Variants in KCNIP4 observed in about 807,000 individuals in gnomAD.
The protein encoded by KCNIP4 is Kv channel-interacting protein 4.
A neutral mutation model predicts 34.0 loss-of-function variants in KCNIP4; 12 were observed. The observed-to-expected ratio is 0.35, with a 90% CI of 0.23 to 0.57. The LOEUF (loss-of-function observed/expected upper bound fraction) is 0.57. Ranked by LOEUF, KCNIP4 falls within the 20% of genes least tolerant of loss-of-function variation. KCNIP4 has a pLI of 0.83. For synonymous variants in KCNIP4, 124 were observed against 102.2 expected, an observed-to-expected ratio of 1.21 and a Z score of -1.29; for missense variants, 238 against 311.7, an observed-to-expected ratio of 0.76 and a Z score of 1.78.
chr4:21,529,210 C>T (rs144103831), intron 1 of KCNIP4, among the ~76,000 whole-genome samples: 125 of 152,222 alleles, frequency 8.2e-4, no homozygotes, highest in African/African-American at 2.9e-3. Flanking sequence ...CTGACCCCTA[C>T]TATAGACAAA....
chr4:21,598,547 AT>A (rs991460230), intron 1 of KCNIP4, among the ~76,000 whole-genome samples: 7 of 152,064 alleles, frequency 4.6e-5, no homozygotes, highest in African/African-American at 1.4e-4. Context: ...CCTGGGGTTT[AT>A]CAACTCCTAT....
intron 1 of KCNIP4, chr4:21,582,202 T>C (rs1284240564): frequency 6.6e-6 from 1 of 151,976 alleles, no homozygotes. Context: ...GTAAAATATA[T>C]GTTCTTACTT....
chr4:21,475,820 C>G (rs1237900594), intron 1 of KCNIP4, among the ~76,000 whole-genome samples: 1 of 152,010 alleles, frequency 6.6e-6, no homozygotes, highest in Non-Finnish European at 1.5e-5. Flanking sequence ...TATTTTTCAC[C>G]CATTCTGGAT....
chr4:20,822,717 A>AT (rs1052790101), intron 3 of KCNIP4, among the ~76,000 whole-genome samples: 2 of 152,132 alleles, frequency 1.3e-5, no homozygotes, highest in Admixed American at 1.3e-4. Flanking sequence ...AAAAACATGA[A>AT]TTTTCACGGG....
At chr4:20,739,011 G>A (rs1442941732) in intron 5 of KCNIP4, among the ~76,000 whole-genome samples, 1 of 152,154 alleles carries the variant, frequency 6.6e-6, no homozygotes, top group Non-Finnish European at 1.5e-5. Flanking sequence ...GTCCGAGATC[G>A]AACTGCAAGG....
chr4:21,416,392 T>C (rs749964345), intron 1 of KCNIP4, among the ~76,000 whole-genome samples: 1 of 152,204 alleles, frequency 6.6e-6, no homozygotes, highest in Non-Finnish European at 1.5e-5. Flanking sequence ...ACCACCTTTT[T>C]ATTTTCTCCT....
At chr4:21,054,309 A>C (rs901968832) in intron 1 of KCNIP4, among the ~76,000 whole-genome samples, 5 of 152,240 alleles carry the variant, frequency 3.3e-5, no homozygotes, top group African/African-American at 1.2e-4. Context: ...ACTTGAGGTC[A>C]GGAGTTCGAG....
At chr4:20,971,507 A>G (rs1215824238) in intron 1 of KCNIP4, among the ~76,000 whole-genome samples, 5 of 152,200 alleles carry the variant, frequency 3.3e-5, no homozygotes, top group African/African-American at 9.7e-5. Context: ...TGTGAATATA[A>G]ATGTTTACAC....
At chr4:21,654,922 T>C (rs1355450086) in intron 1 of KCNIP4, among the ~76,000 whole-genome samples, 1 of 150,456 alleles carries the variant, frequency 6.6e-6, no homozygotes, top group African/African-American at 2.5e-5. Flanking sequence ...AGACTCTGTC[T>C]CAAAAAAAAA....
At chr4:20,950,854 T>C (rs371242357) in intron 1 of KCNIP4, among the ~76,000 whole-genome samples, 9 of 152,248 alleles carry the variant, frequency 5.9e-5, no homozygotes, top group Admixed American at 3.9e-4. Flanking sequence ...CACTCTCTGC[T>C]GTTTTTGCTT....
chr4:20,793,784 G>A (rs572965463), intron 3 of KCNIP4, among the ~76,000 whole-genome samples: 16 of 152,042 alleles, frequency 1.1e-4, no homozygotes, highest in African/African-American at 2.9e-4. Flanking sequence ...TCCCATCTGA[G>A]GGTGATGGGA....
At chr4:21,645,267 T>A (rs927692622) in intron 1 of KCNIP4, among the ~76,000 whole-genome samples, 1 of 152,126 alleles carries the variant, frequency 6.6e-6, no homozygotes, top group Non-Finnish European at 1.5e-5. Flanking sequence ...ACAGACAGGT[T>A]AAATAAATTG....
At chr4:21,700,913 T>A (rs1180482419) in intron 1 of KCNIP4, among the ~76,000 whole-genome samples, 2 of 152,088 alleles carry the variant, frequency 1.3e-5, no homozygotes, top group Admixed American at 1.3e-4. Flanking sequence ...GGGATATATA[T>A]AAAAAATTAA....
At chr4:21,786,569 A>G (rs1242037539) in intron 1 of KCNIP4, among the ~76,000 whole-genome samples, 3 of 86,724 alleles carry the variant, frequency 3.5e-5, no homozygotes, top group Non-Finnish European at 6.3e-5. Flanking sequence ...ATAGAGAGTC[A>G]CTCTTTTTTT....
intron 1 of KCNIP4, among the ~76,000 whole-genome samples, chr4:21,078,437 G>A (rs951800805): frequency 1.8e-4 from 27 of 152,080 alleles, no homozygotes; most frequent in African/African-American, 5.5e-4. Context: ...TGGGTTGCAG[G>A]CAGCTGCCTT....
At chr4:21,147,804 T>C (rs1054167912) in intron 1 of KCNIP4, among the ~76,000 whole-genome samples, 1 of 151,540 alleles carries the variant, frequency 6.6e-6, no homozygotes, top group Non-Finnish European at 1.5e-5. Flanking sequence ...CCGAGCATGG[T>C]GGCAGATGCC....
chr4:21,838,857 A>G (rs1216112338), intron 1 of KCNIP4, among the ~76,000 whole-genome samples: 1 of 152,212 alleles, frequency 6.6e-6, no homozygotes, highest in Non-Finnish European at 1.5e-5. Context: ...AAAGAAATGA[A>G]CTAAATTTTT....
chr4:21,679,189 C>A (rs1013192694), intron 1 of KCNIP4, among the ~76,000 whole-genome samples: 9 of 152,134 alleles, frequency 5.9e-5, no homozygotes, highest in African/African-American at 2.2e-4. Context: ...ATAGTGATGG[C>A]CCCGTTAAAC....
At chr4:21,170,499 A>G (rs905520894) in intron 1 of KCNIP4, among the ~76,000 whole-genome samples, 1 of 152,194 alleles carries the variant, frequency 6.6e-6, no homozygotes, top group Non-Finnish European at 1.5e-5. Context: ...TCTATATTTT[A>G]ATTTTAACCA....
Sources: allele counts gnomAD v4.1 joint callset (sites outside exome capture counted in the v4.1 genomes callset), GRCh38; gene constraint gnomAD v4.1.1; transcripts MANE v1.5; gene names NCBI Gene and HGNC (gene_info 2026-07-23, HGNC 2026-07-21).